Variants in PSD3 observed in about 807,000 individuals in gnomAD.
PSD3 encodes PH and SEC7 domain-containing protein 3.
PSD3 carries 49 observed loss-of-function variants against 105.5 expected under a neutral mutation model. That is an observed-to-expected ratio of 0.46 (90% CI 0.37 to 0.59). The LOEUF (loss-of-function observed/expected upper bound fraction) is 0.59, where lower values mean the gene tolerates loss of function less well. Among genes scored for constraint, PSD3 ranks in the 20% least tolerant of loss-of-function variants. The pLI, the probability that PSD3 is intolerant of heterozygous loss-of-function variation, is 0.00. For missense variants in PSD3, 1,561 were observed against 1,263.8 expected (o/e 1.24, Z -3.57); for synonymous variants, 557 against 457.8 (o/e 1.22, Z -2.77).
intron 9 of PSD3, among the ~76,000 whole-genome samples, chr8:18,664,561 G>T (rs963037034): frequency 6.6e-6 from 1 of 152,208 alleles, no homozygotes; most frequent in South Asian, 2.1e-4. Flanking sequence ...AAAAGTCCAA[G>T]GTAAAGCTGC....
chr8:18,768,360 G>A (rs1807208849), intron 8 of PSD3, among the ~76,000 whole-genome samples: 1 of 152,078 alleles, frequency 6.6e-6, no homozygotes, highest in East Asian at 1.9e-4. Context: ...ATCCCACACT[G>A]CCTGGGAGGC....
chr8:18,956,155 A>C (rs1391663062), intron 1 of PSD3, among the ~76,000 whole-genome samples: 1 of 152,254 alleles, frequency 6.6e-6, no homozygotes, highest in Non-Finnish European at 1.5e-5. Flanking sequence ...TGTATGATTT[A>C]AGGAAAGGCA....
intron 15 of PSD3, among the ~76,000 whole-genome samples, chr8:18,550,486 T>C (rs577977559): frequency 2.0e-5 from 3 of 152,180 alleles, no homozygotes; most frequent in Non-Finnish European, 2.9e-5. Flanking sequence ...TGCAATAGGG[T>C]TATATCCCAG....
At chr8:18,689,742 T>C (rs1800869103) in intron 9 of PSD3, among the ~76,000 whole-genome samples, 1 of 152,222 alleles carries the variant, frequency 6.6e-6, no homozygotes, top group Non-Finnish European at 1.5e-5. Context: ...CTGTCCATGT[T>C]TGTCACGTAG....
At chr8:18,960,439 A>G (rs950617487) in intron 1 of PSD3, among the ~76,000 whole-genome samples, 5 of 152,230 alleles carry the variant, frequency 3.3e-5, no homozygotes. Flanking sequence ...AGGGTCCTCA[A>G]TATCAGAGTA....
At chr8:18,593,341 G>C (rs1295676112) in intron 12 of PSD3, among the ~76,000 whole-genome samples, 2 of 152,168 alleles carry the variant, frequency 1.3e-5, no homozygotes, top group African/African-American at 2.4e-5. Context: ...CTCAAAAGAA[G>C]ACATTTATGC....
At chr8:18,576,233 A>G (rs529480049) in intron 12 of PSD3, among the ~76,000 whole-genome samples, 2 of 152,254 alleles carry the variant, frequency 1.3e-5, no homozygotes, top group South Asian at 4.1e-4. Flanking sequence ...ATAATCCTTC[A>G]TGTGACAATG....
intron 9 of PSD3, among the ~76,000 whole-genome samples, chr8:18,673,766 C>T (rs1799919008): frequency 1.3e-5 from 2 of 152,180 alleles, no homozygotes; most frequent in South Asian, 4.1e-4. Flanking sequence ...ACGTGGGGAT[C>T]TCCCCGTGGG....
chr8:18,906,500 T>C (rs1819857691), intron 2 of PSD3, among the ~76,000 whole-genome samples: 1 of 152,192 alleles, frequency 6.6e-6, no homozygotes, highest in Admixed American at 6.5e-5. Context: ...AAGATTTCAA[T>C]TTCATGTTAC....
At chr8:18,537,502 G>A (rs1799906878) in intron 15 of PSD3, among the ~76,000 whole-genome samples, 2 of 152,176 alleles carry the variant, frequency 1.3e-5, no homozygotes, top group Admixed American at 1.3e-4. Flanking sequence ...TCACTACAAA[G>A]ACTGATAAAA....
intron 12 of PSD3, among the ~76,000 whole-genome samples, chr8:18,578,784 T>C (rs1386192982): frequency 6.6e-6 from 1 of 151,830 alleles, no homozygotes; most frequent in Non-Finnish European, 1.5e-5. Flanking sequence ...AGGAAAAAGC[T>C]AACAGTAATT....
intron 11 of PSD3, among the ~76,000 whole-genome samples, chr8:18,608,688 T>C (rs1237989994): frequency 6.6e-6 from 1 of 152,214 alleles, no homozygotes; most frequent in Non-Finnish European, 1.5e-5. Context: ...GTATCACCCC[T>C]CTTTCATAAA....
rs1173244176 is a variant in PSD3 at position 18,732,170 on chromosome 8, T to TC, written c.2172+33278dup. The stretch of plus-strand genomic sequence containing the variant: ...AAAGCTGGTAAAAAAACAACCCTCC[T>TC]CCCCCCCGAAAAAAAAACCCACTAA... On this transcript the variant is annotated intron_variant, in intron 9 of 15. Transcript: ENST00000327040. Among the ~76,000 whole-genome samples, 12 of 144,796 alleles carry TC rather than the reference T, an allele frequency of 8.3e-5. 1 individual carries two copies. The highest frequency in any genetic ancestry group is 6.7e-4 in the South Asian group (3 of 4,476). 95.0% of individuals were successfully genotyped at this position (144,796 alleles called of 152,430 possible). A position where few individuals can be genotyped will look rare whatever the true frequency, so the allele number is the denominator to read the frequency against.
In PSD3 at chr8:18,530,907, T is replaced by C. The variant is rs1188324888; in HGVS notation, c.*4836A>G. On this transcript the variant is annotated 3_prime_UTR_variant, in exon 16 of 16. Coordinates refer to ENST00000327040, the MANE Select transcript of PSD3 (RefSeq NM_015310.4). ...TTTAATAAAACAATACCACTATATATACTCTCAACAACTTCATTATATAAT... is the reference window on the plus strand; with the variant it reads ...TTTAATAAAACAATACCACTATATACACTCTCAACAACTTCATTATATAAT... The C allele has an allele frequency of 6.6e-6, 1 of 152,232 alleles. No homozygotes were observed. The highest frequency in any genetic ancestry group is 1.9e-4 in the East Asian group (1 of 5,198). 9.4% of individuals were successfully genotyped at this position (152,232 alleles called of 1,614,324 possible).
Position 18,838,221 on chromosome 8 carries a change from G to A in PSD3, c.1634+29453C>T, listed in dbSNP as rs903686265. Among the ~76,000 whole-genome samples the A allele has an allele frequency of 3.3e-5, 5 of 152,230 alleles. 1 individual carries two copies. Among genetic ancestry groups the A allele is most frequent in the South Asian group, 4.2e-4 (2 of 4,812 alleles). ...ACAATATTCTGCCAATGACAGTAGC[G>A]CTTCAGTTCTGATTTCATGTAGAGC... is the stretch of plus-strand genomic sequence containing the variant. On this transcript the variant is annotated intron_variant, in intron 4 of 15. Transcript: ENST00000327040.
chr8:19,024,582 G>C (rs1412558735), intron 1 of PSD3, among the ~76,000 whole-genome samples: 2 of 152,270 alleles, frequency 1.3e-5, no homozygotes, highest in South Asian at 2.1e-4. Context: ...TGACACCTGA[G>C]CTTATGTTAA....
rs746591396 is a variant in PSD3 at position 18,868,078 on chromosome 8, T to C, written c.1239-9A>G. Reference sequence around the variant, plus strand: ...CCTCTTGTTCGCTGATCCTGGAAAGTAAATAAGAGTGAAGAATTCCAATAT... The same window carrying C: ...CCTCTTGTTCGCTGATCCTGGAAAGCAAATAAGAGTGAAGAATTCCAATAT... On this transcript the variant is annotated splice_polypyrimidine_tract_variant and intron_variant, in intron 3 of 15. Transcript: ENST00000327040. 28 of 1,579,962 alleles carry C rather than the reference T, an allele frequency of 1.8e-5. No homozygotes were observed. The highest frequency in any genetic ancestry group is 5.5e-5 in the Admixed American group (3 of 54,682).
At chr8:19,063,706 C>T (rs374316548) in intron 1 of PSD3, among the ~76,000 whole-genome samples, 33 of 152,266 alleles carry the variant, frequency 2.2e-4, no homozygotes, top group Non-Finnish European at 3.4e-4. Context: ...TGTGGTAGTG[C>T]GTCAGAACTG....
intron 2 of PSD3, among the ~76,000 whole-genome samples, chr8:18,876,460 C>G (rs972115391): frequency 6.6e-6 from 1 of 152,150 alleles, no homozygotes. Context: ...GATCATGGCT[C>G]ACTGCAGCCC....
Sources: gnomAD v4.1 joint callset for allele counts (sites outside exome capture counted in the v4.1 genomes callset) on GRCh38, gnomAD v4.1.1 for gene constraint, MANE v1.5 for transcripts, NCBI Gene and HGNC (gene_info 2026-07-23, HGNC 2026-07-21) for gene names.